PRR5: variants seen among roughly 807,000 people sequenced by gnomAD.
PRR5 encodes proline rich 5.
A neutral mutation model predicts 30.6 loss-of-function variants in PRR5; 25 were observed. The ratio of observed to expected loss-of-function variants is 0.82; its 90% CI spans 0.60 to 1.14. The LOEUF (loss-of-function observed/expected upper bound fraction) is 1.14, where lower values mean the gene tolerates loss of function less well. PRR5 is among the 50% of genes most tolerant of loss of function. The pLI is 0.00. For missense variants in PRR5, 600 were observed against 547.1 expected (o/e 1.10, Z -0.96); for synonymous variants, 286 against 247.1 (o/e 1.16, Z -1.48).
intron 2 of PRR5, among the ~76,000 whole-genome samples, chr22:44,723,557 T>G (rs1930258122): frequency 6.6e-6 from 1 of 151,878 alleles, no homozygotes; most frequent in Non-Finnish European, 1.5e-5. Context: ...CTGTCTCTAC[T>G]AAAAATACAA....
chr22:44,678,816 TC>T (rs1850392936), intron 1 of PRR5, among the ~76,000 whole-genome samples: 1 of 152,144 alleles, frequency 6.6e-6, no homozygotes, highest in Non-Finnish European at 1.5e-5. Context: ...CTGGGGCTGC[TC>T]TGTGTGATTC....
intron 4 of PRR5, chr22:44,729,453 A>T (rs1346118445): frequency 9.1e-6 from 9 of 985,268 alleles, no homozygotes; most frequent in Non-Finnish European, 1.1e-5. Flanking sequence ...AGCCCCTGCT[A>T]CTGCCAGGCT....
At chr22:44,729,832 G>A (rs1462086918) in intron 4 of PRR5, 1 of 985,390 alleles carries the variant, frequency 1.0e-6, no homozygotes, top group Non-Finnish European at 1.2e-6. Context: ...GCGCTGAGCA[G>A]AACGCAGGCC....
Position 44,691,028 on chromosome 22 carries a change from C to T in PRR5, c.-10-11464C>T, listed in dbSNP as rs763214. ...AGCCAGGGCAGAGGCATCCTGGGTG[C>T]CCAAGTGAACGTGCTGGCAGCCTCG... On this transcript the variant is annotated intron_variant, in intron 1 of 8. Transcript: ENST00000006251. The surrounding 1 kb of genome is among the most constrained non-coding windows in gnomAD (Gnocchi z 4.4). 0.59 allele frequency among the ~76,000 whole-genome samples: 89,162 copies of T among 151,596 alleles called. 27,117 individuals are homozygous for T. The highest frequency in any genetic ancestry group is 0.72 in the African/African-American group (29,719 of 41,326).
chr22:44,730,492 G>A (rs1443749226), intron 4 of PRR5: 1 of 988,784 alleles, frequency 1.0e-6, no homozygotes, highest in Non-Finnish European at 1.2e-6. Context: ...AGCCAGCTTG[G>A]GCAGCTGTCC....
chr22:44,714,248 G>A (rs185349265), intron 1 of PRR5, among the ~76,000 whole-genome samples: 1 of 152,222 alleles, frequency 6.6e-6, no homozygotes, highest in African/African-American at 2.4e-5. Context: ...GGATGTGTTG[G>A]GGGGTGGGAG....
intron 1 of PRR5, among the ~76,000 whole-genome samples, chr22:44,680,966 A>T (rs970549117): frequency 6.6e-6 from 1 of 152,176 alleles, no homozygotes; most frequent in African/African-American, 2.4e-5. Flanking sequence ...TGCATCCATC[A>T]TGCAGCTCTC....
intron 1 of PRR5, among the ~76,000 whole-genome samples, chr22:44,692,336 AGGGCTCCTCCTGG>A (rs1316833961): frequency 1.0e-4 from 11 of 108,080 alleles, no homozygotes; most frequent in Non-Finnish European, 1.5e-4. Flanking sequence ...TCCTCCTCCC[AGGGCTCCTCCTGG>A]GGGCTCCTCC....
intron 6 of PRR5, 70 bp from the exon 7 acceptor site, chr22:44,734,957 T>G: frequency 1.3e-6 from 2 of 1,501,032 alleles, no homozygotes; most frequent in East Asian, 2.3e-5. Context: ...GGGTGGGACA[T>G]ATGGTTGAGA....
chr22:44,707,164 G>A (rs1335490661), intron 1 of PRR5, among the ~76,000 whole-genome samples: 15 of 152,204 alleles, frequency 9.9e-5, no homozygotes, highest in Admixed American at 9.8e-4. Flanking sequence ...GGCAGCTCCA[G>A]TTCACTCCTC....
chr22:44,698,584 C>T (rs375312724), upstream of PRR5, among the ~76,000 whole-genome samples: 26 of 152,188 alleles, frequency 1.7e-4, no homozygotes, highest in Non-Finnish European at 3.2e-4. Context: ...ACCCAGAAAG[C>T]CCCATAAGTG....
At chr22:44,729,851 G>T (rs1198281733) in intron 4 of PRR5, 3 of 985,370 alleles carry the variant, frequency 3.0e-6, no homozygotes, top group African/African-American at 1.7e-5. Context: ...CCTGGCCGGT[G>T]CCCAGAGCCA....
At chr22:44,721,816 C>T (rs1282907373) in intron 2 of PRR5, among the ~76,000 whole-genome samples, 5 of 152,212 alleles carry the variant, frequency 3.3e-5, no homozygotes, top group Non-Finnish European at 5.9e-5. Context: ...CGGGGCCTGC[C>T]CTCCAGCCCT....
intron 2 of PRR5, among the ~76,000 whole-genome samples, chr22:44,717,916 T>C (rs550787315): frequency 2.0e-4 from 30 of 151,984 alleles, no homozygotes; most frequent in Admixed American, 1.3e-3. Context: ...GGTTTGTCCA[T>C]GTTGGTCAGG....
At chr22:44,684,271 G>A (rs1417948617) in intron 1 of PRR5, among the ~76,000 whole-genome samples, 2 of 152,192 alleles carry the variant, frequency 1.3e-5, no homozygotes, top group Non-Finnish European at 2.9e-5. Flanking sequence ...GGCCAGGCGC[G>A]GTGGCTTATA....
intron 1 of PRR5, among the ~76,000 whole-genome samples, chr22:44,690,845 G>A (rs183619039): frequency 5.3e-5 from 8 of 152,140 alleles, no homozygotes; most frequent in African/African-American, 1.4e-4. Flanking sequence ...CTCCTGGTTC[G>A]GGGGGTGGCG....
At chr22:44,726,308 C>T (rs1920946200) in intron 3 of PRR5, among the ~76,000 whole-genome samples, 1 of 152,214 alleles carries the variant, frequency 6.6e-6, no homozygotes, top group Admixed American at 6.5e-5. Flanking sequence ...CCAGCTGAGC[C>T]CAGTGCAAGG....
At chr22:44,713,100 C>T (rs1299525059) in intron 1 of PRR5, among the ~76,000 whole-genome samples, 1 of 152,162 alleles carries the variant, frequency 6.6e-6, no homozygotes, top group Non-Finnish European at 1.5e-5. Context: ...GCTCAGGATG[C>T]CCGGGAGTGT....
chr22:44,728,039 G>A (rs2147145061), intron 4 of PRR5, among the ~76,000 whole-genome samples: 1 of 152,346 alleles, frequency 6.6e-6, no homozygotes, highest in African/African-American at 2.4e-5. Flanking sequence ...TCTGGCCTAG[G>A]GGAGCCGGGG....
Sources: gnomAD v4.1 joint callset for allele counts (sites outside exome capture counted in the v4.1 genomes callset) on GRCh38, gnomAD v4.1.1 for gene constraint, Gnocchi (gnomAD v3.1) non-coding constraint, MANE v1.5 for transcripts, NCBI Gene and HGNC (gene_info 2026-07-23, HGNC 2026-07-21) for gene names.